PDE1C: variants seen among roughly 807,000 people sequenced by gnomAD.
PDE1C encodes phosphodiesterase 1C, also known as dual specificity calcium/calmodulin-dependent 3',5'-cyclic nucleotide phosphodiesterase 1C.
PDE1C carries 62 observed loss-of-function variants against 93.1 expected under a neutral mutation model. The ratio of observed to expected loss-of-function variants is 0.67; its 90% confidence interval spans 0.54 to 0.82. The LOEUF (loss-of-function observed/expected upper bound fraction) is 0.82. Among genes scored for constraint, PDE1C ranks in the 40% least tolerant of loss-of-function variants. The pLI is 0.00. For missense variants in PDE1C, 742 were observed against 884.6 expected (o/e 0.84, Z 2.04); for synonymous variants, 325 against 310.1 (o/e 1.05, Z -0.50).
Position 31,823,188 on chromosome 7 carries a change from C to A in PDE1C, c.1467G>T (p.Glu489Asp). The A allele has an allele frequency of 6.2e-7, 1 of 1,613,252 alleles. No individual in the cohort carries two copies. Among genetic ancestry groups the A allele is most frequent in the Non-Finnish European group, 8.5e-7 (1 of 1,179,498 alleles). ...KRSGVKTSGSEGSAPINNSVI... is the reference protein window; with the variant it reads ...KRSGVKTSGSDGSAPINNSVI... ...CAGAATTGTTGATCGGGGCACTTCC[C>A]TCTGAACCAGAGGTCTTGACACCTG... The change falls in exon 14 of 18, where the codon GAG becomes GAT. Residue 489 changes from glutamate to aspartate, a missense_variant. Glu to Asp is a conservative substitution (Grantham distance 45, BLOSUM62 2). Transcript: ENST00000396191.
the PDE1C span, among the ~76,000 whole-genome samples, chr7:31,620,919 G>A: frequency 4.6e-5 from 7 of 152,184 alleles, no homozygotes; most frequent in East Asian, 5.8e-4. Context: ...TAAAGGAGCT[G>A]ATGGAGCTGA....
chr7:32,204,241 A>C (rs1247779374), intron 2 of PDE1C, among the ~76,000 whole-genome samples: 2 of 152,224 alleles, frequency 1.3e-5, no homozygotes, highest in Non-Finnish European at 2.9e-5. Flanking sequence ...GCAGCACTCA[A>C]ATCAAAACTT....
intron 9 of PDE1C, among the ~76,000 whole-genome samples, chr7:31,839,417 G>GACAC (rs145936818): frequency 7.2e-6 from 1 of 139,196 alleles, no homozygotes; most frequent in East Asian, 2.1e-4. Context: ...TATATACATA[G>GACAC]ACACACACAC....
In PDE1C at chr7:32,398,147, C is replaced by T. The variant is rs1206823220; in HGVS notation, c.310+29675G>A. On this transcript the variant is annotated intron_variant, in intron 1 of 1. Transcript: ENST00000672256. ...CAGCCTGGGCTGCAGAGCAAGACTCCGTCTCAAAAAAAAAAATTAGCCAAG... is the reference window on the plus strand; with the variant it reads ...CAGCCTGGGCTGCAGAGCAAGACTCTGTCTCAAAAAAAAAAATTAGCCAAG... Among the ~76,000 whole-genome samples the T allele has an allele frequency of 1.2e-4, 17 of 142,348 alleles. No homozygotes were observed. In the East Asian group the frequency reaches 3.7e-3, roughly 31 times the overall value. The allele number at this position is 142,348 out of a possible 152,430, so 93.4% of individuals were successfully genotyped here. A position where few individuals can be genotyped will look rare whatever the true frequency, so the allele number is the denominator to read the frequency against.
intron 3 of PDE1C, among the ~76,000 whole-genome samples, chr7:32,080,845 G>A (rs953005517): frequency 1.3e-5 from 2 of 152,136 alleles, no homozygotes; most frequent in Admixed American, 6.5e-5. Context: ...ACAGATTCTT[G>A]CTAATAAAAA....
intron 1 of PDE1C, among the ~76,000 whole-genome samples, chr7:32,372,045 T>C (rs1285940868): frequency 7.4e-6 from 1 of 135,692 alleles, no homozygotes; most frequent in Non-Finnish European, 1.5e-5. Context: ...ACATCTATGG[T>C]CAATTGATTT....
the PDE1C span, among the ~76,000 whole-genome samples, chr7:31,715,675 G>A: frequency 3.9e-5 from 6 of 152,212 alleles, no homozygotes; most frequent in African/African-American, 1.4e-4. Context: ...ACTAGTAGAT[G>A]TAACTTTCAT....
At chr7:31,944,247 G>A (rs1255711822) in intron 2 of PDE1C, among the ~76,000 whole-genome samples, 5 of 152,076 alleles carry the variant, frequency 3.3e-5, no homozygotes, top group Non-Finnish European at 7.3e-5. Context: ...TTTCCCTCCC[G>A]GTTACATTCG....
chr7:32,086,302 A>G (rs1797069283), intron 3 of PDE1C, among the ~76,000 whole-genome samples: 1 of 152,078 alleles, frequency 6.6e-6, no homozygotes, highest in African/African-American at 2.4e-5. Context: ...TACCAGGGAC[A>G]TGAAGGACCT....
the PDE1C span, among the ~76,000 whole-genome samples, chr7:31,632,831 G>A: frequency 6.6e-6 from 1 of 152,132 alleles, no homozygotes; most frequent in Non-Finnish European, 1.5e-5. Context: ...CCTGCCCTGT[G>A]AGAGCTGATT....
the PDE1C span, among the ~76,000 whole-genome samples, chr7:31,674,884 G>T: frequency 6.6e-6 from 1 of 152,150 alleles, no homozygotes; most frequent in Admixed American, 6.5e-5. Context: ...TGTCACAAAA[G>T]ATCAAAAATC....
chr7:32,295,966 T>C (rs958464300), intron 1 of PDE1C, among the ~76,000 whole-genome samples: 36 of 151,906 alleles, frequency 2.4e-4, no homozygotes, highest in Admixed American at 2.0e-3. Flanking sequence ...CTGTTTATCA[T>C]GGTGAAAATT....
intron 1 of PDE1C, among the ~76,000 whole-genome samples, chr7:32,251,169 T>C (rs1377245175): frequency 6.6e-6 from 1 of 152,180 alleles, no homozygotes; most frequent in African/African-American, 2.4e-5. Context: ...CTGGCCTTTG[T>C]CCCCAGCCTC....
chr7:32,113,236 A>AATATATATATAT (rs35138046), intron 3 of PDE1C, among the ~76,000 whole-genome samples: 1,380 of 93,836 alleles, frequency 0.015, 41 homozygotes, highest in South Asian at 0.029. Context: ...ATTGTCCTTA[A>AATATATATATAT]ATATATATAT....
At chr7:32,232,109 G>A (rs1191680932) in intron 1 of PDE1C, among the ~76,000 whole-genome samples, 1 of 151,970 alleles carries the variant, frequency 6.6e-6, no homozygotes, top group African/African-American at 2.4e-5. Context: ...CCTATTTGAG[G>A]ATGCTGAAAA....
At chr7:31,661,357 G>C in the PDE1C span, among the ~76,000 whole-genome samples, 2 of 152,176 alleles carry the variant, frequency 1.3e-5, no homozygotes, top group African/African-American at 4.8e-5. Context: ...TTCTGTGCTT[G>C]ATTCACCTGA....
At chr7:31,764,357 G>A (rs1029200273) in intron 17 of PDE1C, among the ~76,000 whole-genome samples, 1 of 152,096 alleles carries the variant, frequency 6.6e-6, no homozygotes, top group African/African-American at 2.4e-5. Context: ...GGTTGGCCAG[G>A]ATGGTCTCAA....
At chr7:31,861,026 A>G (rs907717734) in intron 7 of PDE1C, among the ~76,000 whole-genome samples, 1 of 151,976 alleles carries the variant, frequency 6.6e-6, no homozygotes, top group African/African-American at 2.4e-5. Flanking sequence ...TTTCTTCATT[A>G]TACTCTAGTC....
chr7:32,112,568 T>C (rs1798701629), intron 3 of PDE1C, among the ~76,000 whole-genome samples: 1 of 151,362 alleles, frequency 6.6e-6, no homozygotes, highest in Non-Finnish European at 1.5e-5. Flanking sequence ...GCAATCCTTC[T>C]GCCTCAGCCT....
Sources: allele counts gnomAD v4.1 joint callset (sites outside exome capture counted in the v4.1 genomes callset), GRCh38; gene constraint gnomAD v4.1.1; transcripts MANE v1.5; gene names NCBI Gene and HGNC (gene_info 2026-07-23, HGNC 2026-07-21).